Variants in AGO1 observed in about 807,000 individuals in gnomAD.
AGO1 encodes the protein protein argonaute-1.
AGO1 carries 11 observed loss-of-function variants against 109.2 expected under a neutral mutation model. The observed-to-expected ratio is 0.10, with a 90% CI of 0.06 to 0.17. The LOEUF is 0.17. Among genes scored for constraint, AGO1 ranks in the 10% least tolerant of loss-of-function variants. The pLI, the probability that AGO1 is intolerant of heterozygous loss-of-function variation, is 1.00. For synonymous variants in AGO1, 422 were observed against 418.6 expected, an observed-to-expected ratio of 1.01 and a Z score of -0.10; for missense variants, 574 against 1,140.3, an observed-to-expected ratio of 0.50 and a Z score of 7.15.
rs1425938053 is a variant in AGO1, at chr1:35,927,872, A to G, written c.*8265A>G. On this transcript the variant is annotated 3_prime_UTR_variant, in exon 19 of 19. Coordinates refer to ENST00000373204, the MANE Select transcript of AGO1 (RefSeq NM_012199.5). ...CCCTAAAGCCCATGTTTTATATTGTATCTTGCTAGAGTATAAAGTAACTTA... is the reference window on the plus strand; with the variant it reads ...CCCTAAAGCCCATGTTTTATATTGTGTCTTGCTAGAGTATAAAGTAACTTA... 6.6e-6 allele frequency: 1 copy of G among 152,196 alleles called. No homozygotes were observed. Among genetic ancestry groups the G allele is most frequent in the Non-Finnish European group, 1.5e-5 (1 of 68,036 alleles). 9.4% of individuals were successfully genotyped at this position (152,196 alleles called of 1,614,324 possible).
intron 8 of AGO1, among the ~76,000 whole-genome samples, chr1:35,900,846 G>A (rs1645401553): frequency 1.3e-5 from 2 of 152,030 alleles, no homozygotes; most frequent in African/African-American, 4.8e-5. Context: ...GGAGGCAGAT[G>A]TCTCTGAGCC....
upstream of AGO1, among the ~76,000 whole-genome samples, chr1:35,881,950 A>G (rs564895973): frequency 6.6e-6 from 1 of 152,350 alleles, no homozygotes; most frequent in African/African-American, 2.4e-5. Context: ...AAGATATGAT[A>G]AGGGTCTGCA....
chr1:35,897,943 T>C (rs1355435606), intron 8 of AGO1, among the ~76,000 whole-genome samples: 2 of 152,204 alleles, frequency 1.3e-5, no homozygotes, highest in African/African-American at 4.8e-5. Flanking sequence ...TAGTAACCAC[T>C]AATTTACTTT....
At chr1:35,915,936 G>T (rs994730278) in intron 15 of AGO1, among the ~76,000 whole-genome samples, 1 of 152,162 alleles carries the variant, frequency 6.6e-6, no homozygotes, top group Non-Finnish European at 1.5e-5. Flanking sequence ...AAGTTCTTAG[G>T]CGATGCTGAT....
At chr1:35,913,330 T>C (rs1004216830) in intron 12 of AGO1, among the ~76,000 whole-genome samples, 1 of 152,184 alleles carries the variant, frequency 6.6e-6, no homozygotes, top group Non-Finnish European at 1.5e-5. Context: ...TCACCGGTCT[T>C]GTTAATCTAG....
chr1:35,897,956 G>T (rs1020171960), intron 8 of AGO1, among the ~76,000 whole-genome samples: 2 of 152,096 alleles, frequency 1.3e-5, no homozygotes, highest in Non-Finnish European at 2.9e-5. Flanking sequence ...TTTACTTTCA[G>T]TCTCTGGGTA....
rs904748879 is a variant in AGO1, at chr1:35,883,918, G to A, written c.25+472G>A. On this transcript the variant is annotated intron_variant, in intron 1 of 18. Coordinates refer to ENST00000373204, the MANE Select transcript of AGO1 (RefSeq NM_012199.5). This position sits in a 1 kb window ranked among gnomAD's most constrained non-coding sequence, Gnocchi z 5.4. ...CTGTGAGCTCCGCCCCACTGGGCCT[G>A]ACGCGAGGGCGAGGGTCAGGGGGCG... 2.0e-5 allele frequency among the ~76,000 whole-genome samples: 3 copies of A among 152,246 alleles called. No individual in the cohort carries two copies. Among genetic ancestry groups the A allele is most frequent in the Admixed American group, 6.5e-5 (1 of 15,290 alleles).
intron 14 of AGO1, 32 bp from the exon 15 acceptor site, chr1:35,915,316 C>A: frequency 6.3e-7 from 1 of 1,595,084 alleles, no homozygotes; most frequent in Non-Finnish European, 8.6e-7. Flanking sequence ...GGTGAAGGTT[C>A]TAGGAGCTAA....
chr1:35,923,386 A>G lies in AGO1; in HGVS notation c.*3779A>G, dbSNP rs930444612. ...AGGATATCTGTAAGGCTGGTGGGAC[A>G]GTTTTGGACCTGGAATCATGTGTAA... On this transcript the variant is annotated 3_prime_UTR_variant, in exon 19 of 19. Transcript: ENST00000373204. The G allele has an allele frequency of 1.3e-5, 2 of 152,382 alleles. No homozygotes were observed. Among genetic ancestry groups the G allele is most frequent in the Non-Finnish European group, 2.9e-5 (2 of 68,028 alleles). The allele number at this position is 152,382 out of a possible 1,614,324, so 9.4% of individuals were successfully genotyped here.
chr1:35,927,621 T>A lies in AGO1; in HGVS notation c.*8014T>A, dbSNP rs1485047376. On this transcript the variant is annotated 3_prime_UTR_variant, in exon 19 of 19. Transcript: ENST00000373204. ...TCACTCCTGTCATTGGCAAAGCAAGTAAGATCATCCATCAGGAGTGGCTTA... is the reference window on the plus strand; with the variant it reads ...TCACTCCTGTCATTGGCAAAGCAAGAAAGATCATCCATCAGGAGTGGCTTA... The A allele has an allele frequency of 2.0e-5, 3 of 152,236 alleles. No individual in the cohort carries two copies. Among genetic ancestry groups the A allele is most frequent in the Non-Finnish European group, 4.4e-5 (3 of 68,030 alleles). 9.4% of individuals were successfully genotyped at this position (152,236 alleles called of 1,614,324 possible).
In AGO1 at chr1:35,893,214, A is replaced by T. The variant is rs1044509129; in HGVS notation, c.448A>T (p.Ile150Phe). The change falls in exon 4 of 19, where the codon ATC becomes TTC. Residue 150 changes from isoleucine to phenylalanine, a missense_variant. Physicochemically the swap from Ile to Phe is conservative, Grantham distance 21 (BLOSUM62 0). Transcript: ENST00000373204. The surrounding 1 kb of genome is among the most constrained non-coding windows in gnomAD (Gnocchi z 5.6). ...MLHEALVSGQ[I>F]PVPLESVQAL... ...GCATGAGGCCCTGGTCAGCGGCCAG[A>T]TCCCTGTTCCCTTGGAGTCTGTGCA... 7 of 1,614,102 alleles carry T rather than the reference A, an allele frequency of 4.3e-6. No homozygotes were observed. The highest frequency in any genetic ancestry group is 5.9e-6 in the Non-Finnish European group (7 of 1,180,020).
intron 11 of AGO1, among the ~76,000 whole-genome samples, chr1:35,903,824 G>A (rs939380192): frequency 2.0e-5 from 3 of 151,806 alleles, no homozygotes; most frequent in Non-Finnish European, 1.5e-5. Flanking sequence ...TTAGCCGGGC[G>A]TGGTGGCGCG....
At chr1:35,891,101 T>C (rs964121470) in intron 2 of AGO1, among the ~76,000 whole-genome samples, 2 of 152,212 alleles carry the variant, frequency 1.3e-5, no homozygotes, top group Non-Finnish European at 2.9e-5. Flanking sequence ...GAGAAAGTTC[T>C]ACATAGTCTA....
At chr1:35,880,223 C>A (rs146179828), upstream of AGO1, among the ~76,000 whole-genome samples, 1 of 151,702 alleles carries the variant, frequency 6.6e-6, no homozygotes, top group Non-Finnish European at 1.5e-5. Context: ...TGTGGTAGCT[C>A]ACCTTTGCCC....
intron 12 of AGO1, 131 bp downstream of exon 12, chr1:35,907,250 C>G: frequency 2.5e-6 from 2 of 791,198 alleles, no homozygotes; most frequent in Non-Finnish European, 3.7e-6. Flanking sequence ...CAGTGCTCCT[C>G]TTATAGGAGA....
upstream of AGO1, chr1:35,882,702 C>A: frequency 1.7e-6 from 1 of 573,126 alleles, no homozygotes; most frequent in Middle Eastern, 9.0e-4. This position sits in a 1 kb window ranked among gnomAD's most constrained non-coding sequence, Gnocchi z 5.1. Context: ...GTGGTCTCAG[C>A]GTCCAGCACA....
At chr1:35,903,431 C>T (rs139758156) in intron 11 of AGO1, among the ~76,000 whole-genome samples, 22 of 151,926 alleles carry the variant, frequency 1.4e-4, no homozygotes, top group African/African-American at 5.3e-4. Context: ...TTTTCATATT[C>T]TCTGAATCTG....
chr1:35,917,545 G>A (rs751194080), intron 15 of AGO1, 48 bp from the exon 16 acceptor site: 1 of 1,587,262 alleles, frequency 6.3e-7, no homozygotes, highest in Non-Finnish European at 8.6e-7. Context: ...GTGAACTCAA[G>A]AGGAACTGTG....
intron 1 of AGO1, among the ~76,000 whole-genome samples, chr1:35,872,382 C>T (rs1174948645): frequency 6.6e-6 from 1 of 151,860 alleles, no homozygotes; most frequent in Non-Finnish European, 1.5e-5. Context: ...GACAAGGTTT[C>T]ACCACATTGG....
Sources: gnomAD v4.1 joint callset for allele counts (sites outside exome capture counted in the v4.1 genomes callset) on GRCh38, gnomAD v4.1.1 for gene constraint, Gnocchi (gnomAD v3.1) non-coding constraint, MANE v1.5 for transcripts, NCBI Gene and HGNC (gene_info 2026-07-23, HGNC 2026-07-21) for gene names.